Variants in NAV3 observed in about 807,000 individuals in gnomAD.
The protein encoded by NAV3 is pore membrane and/or filament interacting like protein 1.
In NAV3, 87 loss-of-function variants were observed where a neutral mutation model predicts 244.7. The ratio of observed to expected loss-of-function variants is 0.36; its 90% CI spans 0.30 to 0.42. The LOEUF (loss-of-function observed/expected upper bound fraction) is 0.42. Ranked by LOEUF, NAV3 falls within the 20% of genes least tolerant of loss-of-function variation. The pLI is 1.00. For missense variants in NAV3, 2,663 were observed against 2,893.3 expected, an observed-to-expected ratio of 0.92 and a Z score of 1.83; for synonymous variants, 1,126 against 1,042.2, an observed-to-expected ratio of 1.08 and a Z score of -1.55.
chr12:77,833,834 C>A (rs950535432), intron 1 of NAV3, among the ~76,000 whole-genome samples: 1 of 152,122 alleles, frequency 6.6e-6, no homozygotes, highest in Non-Finnish European at 1.5e-5. Context: ...TGGAGTTGGG[C>A]CGCCCAGCAG....
chr12:77,693,525 T>G (rs931632263), intron 2 of NAV3, among the ~76,000 whole-genome samples: 7 of 152,082 alleles, frequency 4.6e-5, no homozygotes, highest in African/African-American at 1.4e-4. Flanking sequence ...TTTATTTTAT[T>G]GACAACTTGC....
chr12:77,685,958 G>A (rs997560242), intron 2 of NAV3, among the ~76,000 whole-genome samples: 1 of 152,150 alleles, frequency 6.6e-6, no homozygotes, highest in African/African-American at 2.4e-5. Context: ...GTATAGTAGT[G>A]TCTCTTTAAC....
At chr12:77,963,068 T>A (rs1892170671) in intron 3 of NAV3, among the ~76,000 whole-genome samples, 1 of 152,136 alleles carries the variant, frequency 6.6e-6, no homozygotes, top group Non-Finnish European at 1.5e-5. Flanking sequence ...TAAAACAGAT[T>A]ACAATTATTT....
chr12:78,142,302 T>G (rs552129075), intron 20 of NAV3, among the ~76,000 whole-genome samples: 12 of 152,100 alleles, frequency 7.9e-5, no homozygotes, highest in African/African-American at 2.9e-4. Context: ...GATCATGAGT[T>G]TAAGAAAAAA....
At chr12:77,995,041 T>C (rs2136405846) in intron 6 of NAV3, among the ~76,000 whole-genome samples, 170 bp downstream of exon 6, 1 of 152,224 alleles carries the variant, frequency 6.6e-6, no homozygotes, top group Middle Eastern at 3.4e-3. Context: ...AGCATGTTTG[T>C]ACTAGATAAT....
chr12:78,001,689 T>C (rs1433796239), intron 7 of NAV3, among the ~76,000 whole-genome samples: 2 of 152,234 alleles, frequency 1.3e-5, no homozygotes, highest in Non-Finnish European at 2.9e-5. Flanking sequence ...ACAGTCTCAT[T>C]AAATGAATTA....
intron 2 of NAV3, among the ~76,000 whole-genome samples, chr12:77,785,997 G>C (rs1870887678): frequency 6.6e-6 from 1 of 152,086 alleles, no homozygotes. Flanking sequence ...GATCTTATTT[G>C]ATGAGTGTAG....
chr12:78,124,161 A>G (rs948776334), intron 16 of NAV3, among the ~76,000 whole-genome samples: 3 of 152,208 alleles, frequency 2.0e-5, no homozygotes, highest in African/African-American at 7.2e-5. Flanking sequence ...CCATCAGCCT[A>G]TTTCTTCAGC....
chr12:77,998,398 A>C lies in NAV3; in HGVS notation c.802A>C (p.Asn268His), dbSNP rs754808430. The change falls in exon 7 of 40, where the codon AAT (asparagine) becomes CAT (histidine). Residue 268 changes from asparagine to histidine, a missense_variant. Transcript: ENST00000397909. ...GSSSKVQGAS[N>H]LNRRSQSFNS... Reference sequence around the variant, plus strand: ...CAGCAGCAAGGTCCAGGGAGCCTCTAATTTAAATAGGAGAAGTCAGAGCTT... The same window carrying C: ...CAGCAGCAAGGTCCAGGGAGCCTCTCATTTAAATAGGAGAAGTCAGAGCTT... 1 of 1,612,114 alleles carries C rather than the reference A, an allele frequency of 6.2e-7. No individual in the cohort carries two copies. Among genetic ancestry groups the C allele is most frequent in the Admixed American group, 1.7e-5 (1 of 59,766 alleles).
intron 8 of NAV3, among the ~76,000 whole-genome samples, chr12:78,012,435 T>A (rs1875464200): frequency 6.6e-6 from 1 of 151,950 alleles, no homozygotes; most frequent in Non-Finnish European, 1.5e-5. Flanking sequence ...TCCATTACAT[T>A]AAAAAAATAA....
chr12:77,578,811 T>C (rs1274597449), intron 2 of NAV3, among the ~76,000 whole-genome samples: 3 of 152,068 alleles, frequency 2.0e-5, no homozygotes, highest in African/African-American at 7.2e-5. Flanking sequence ...CCCTCTCCAT[T>C]GTTGATGGCC....
At chr12:77,908,167 T>C (rs1217905038) in intron 1 of NAV3, among the ~76,000 whole-genome samples, 1 of 152,138 alleles carries the variant, frequency 6.6e-6, no homozygotes, top group African/African-American at 2.4e-5. Context: ...CGTTTATTTG[T>C]CAGCATGATG....
At chr12:78,171,927 C>T (rs976384759) in intron 24 of NAV3, among the ~76,000 whole-genome samples, 5 of 151,536 alleles carry the variant, frequency 3.3e-5, no homozygotes, top group African/African-American at 9.7e-5. Context: ...TAATGCATCA[C>T]ATTCATTAAC....
At chr12:77,659,348 C>T in intron 2 of NAV3, among the ~76,000 whole-genome samples, 1 of 151,970 alleles carries the variant, frequency 6.6e-6, no homozygotes. Context: ...AGCCAAAAAA[C>T]ACATGAAAAA....
intron 1 of NAV3, among the ~76,000 whole-genome samples, chr12:77,883,414 A>T (rs1882906001): frequency 6.6e-6 from 1 of 151,994 alleles, no homozygotes; most frequent in Non-Finnish European, 1.5e-5. Flanking sequence ...TAACCATGGG[A>T]ACAATAGACC....
intron 2 of NAV3, among the ~76,000 whole-genome samples, chr12:77,618,715 A>C (rs1472131735): frequency 6.6e-6 from 1 of 152,152 alleles, no homozygotes; most frequent in East Asian, 1.9e-4. Flanking sequence ...CTTTTATGTC[A>C]GTATTTTATA....
At chr12:78,114,725 T>C (rs1030739259) in intron 12 of NAV3, among the ~76,000 whole-genome samples, 1 of 152,138 alleles carries the variant, frequency 6.6e-6, no homozygotes, top group Non-Finnish European at 1.5e-5. Context: ...ATGTCAGTCA[T>C]GATATGAGAA....
chr12:77,655,696 T>G lies in NAV3; in HGVS notation c.72+83430T>G, dbSNP rs573187144. 1.9e-4 allele frequency among the ~76,000 whole-genome samples: 29 copies of G among 151,916 alleles called. No individual in the cohort carries two copies. In the South Asian group the frequency reaches 5.2e-3, roughly 27 times the overall value. ...GAAATGAAGGAAAAAATGTTAAGGG[T>G]AGCCAGAGAGAAAGGTCGGGTTACC... On this transcript the variant is annotated intron_variant, in intron 2 of 8. Transcript: ENST00000550042.
chr12:77,978,406 T>G (rs1868901519), intron 5 of NAV3, among the ~76,000 whole-genome samples: 1 of 152,262 alleles, frequency 6.6e-6, no homozygotes, highest in African/African-American at 2.4e-5. Flanking sequence ...GAAATTTGAT[T>G]CTAACCACAG....
Sources: allele counts gnomAD v4.1 joint callset (sites outside exome capture counted in the v4.1 genomes callset), GRCh38; gene constraint gnomAD v4.1.1; transcripts MANE v1.5; gene names NCBI Gene and HGNC (gene_info 2026-07-23, HGNC 2026-07-21).